The following FGF14 variants were observed in gnomAD, a reference collection of about 807,000 sequenced individuals.
FGF14 encodes the protein fibroblast growth factor 14, also known as fibroblast growth factor homologous factor 4.
Under a neutral mutation model 25.5 loss-of-function variants are expected in FGF14, and 5 were observed. The observed-to-expected ratio is 0.20, with a 90% CI of 0.10 to 0.41. The LOEUF is 0.41. Ranked by LOEUF, FGF14 falls within the 10% of genes least tolerant of loss-of-function variation. The probability of loss-of-function intolerance (pLI) is 1.00; values close to 1 mark genes in which losing one functional copy is unlikely to be tolerated. For missense variants in FGF14, 222 were observed against 320.1 expected, an observed-to-expected ratio of 0.69 and a Z score of 2.34; for synonymous variants, 138 against 118.3, an observed-to-expected ratio of 1.17 and a Z score of -1.08.
At chr13:102,088,095 G>T (rs975904276) in intron 1 of FGF14, among the ~76,000 whole-genome samples, 1 of 152,118 alleles carries the variant, frequency 6.6e-6, no homozygotes, top group Non-Finnish European at 1.5e-5. Flanking sequence ...TATGTAACAG[G>T]AACTACAACC....
chr13:102,176,605 G>T (rs1403281185), intron 1 of FGF14, among the ~76,000 whole-genome samples: 3 of 152,066 alleles, frequency 2.0e-5, no homozygotes, highest in African/African-American at 7.2e-5. Flanking sequence ...TAAAATTTCA[G>T]TTCCACAAAA....
At chr13:101,976,306 A>G (rs2037922165) in intron 1 of FGF14, among the ~76,000 whole-genome samples, 1 of 152,152 alleles carries the variant, frequency 6.6e-6, no homozygotes, top group African/African-American at 2.4e-5. Context: ...TAACAGTTAC[A>G]CTTATTAATA....
At chr13:101,863,273 A>G (rs1473640073) in intron 3 of FGF14, among the ~76,000 whole-genome samples, 1 of 152,174 alleles carries the variant, frequency 6.6e-6, no homozygotes, top group Non-Finnish European at 1.5e-5. Flanking sequence ...AACTAGATGA[A>G]CTTGGTATAG....
At chr13:102,383,776 G>A (rs2058239818) in intron 1 of FGF14, among the ~76,000 whole-genome samples, 1 of 149,840 alleles carries the variant, frequency 6.7e-6, no homozygotes, top group South Asian at 2.1e-4. Context: ...CCCTTGGGAA[G>A]ATTAAGACCC....
At chr13:101,783,468 C>CAAA (rs397722208) in intron 3 of FGF14, among the ~76,000 whole-genome samples, 1 of 135,814 alleles carries the variant, frequency 7.4e-6, no homozygotes. Flanking sequence ...GACTCTGTCT[C>CAAA]AAAAAAAAAA....
intron 1 of FGF14, among the ~76,000 whole-genome samples, chr13:102,023,902 A>G (rs1165314150): frequency 1.3e-5 from 2 of 152,048 alleles, no homozygotes; most frequent in African/African-American, 4.8e-5. Flanking sequence ...CCAGTGGGAG[A>G]AGATAAACAA....
intron 1 of FGF14, among the ~76,000 whole-genome samples, chr13:102,076,900 C>T (rs1316539972): frequency 2.0e-5 from 3 of 152,034 alleles, no homozygotes; most frequent in Non-Finnish European, 2.9e-5. Flanking sequence ...GTGATTAAAA[C>T]AGCAAAGTAC....
At chr13:102,050,491 A>G (rs2042170384) in intron 1 of FGF14, among the ~76,000 whole-genome samples, 1 of 152,216 alleles carries the variant, frequency 6.6e-6, no homozygotes, top group South Asian at 2.1e-4. Context: ...GATAGCTTTC[A>G]AGATGCCCAT....
chr13:102,146,083 T>C (rs1475929071), intron 1 of FGF14, among the ~76,000 whole-genome samples: 1 of 152,222 alleles, frequency 6.6e-6, no homozygotes, highest in East Asian at 1.9e-4. Context: ...CTGCAAGCCT[T>C]GTTCTTGTGA....
intron 1 of FGF14, among the ~76,000 whole-genome samples, chr13:102,283,146 A>G (rs1257006675): frequency 6.6e-6 from 1 of 152,150 alleles, no homozygotes; most frequent in Non-Finnish European, 1.5e-5. Context: ...GTTCCACTCA[A>G]TGGAGACAAG....
intron 3 of FGF14, among the ~76,000 whole-genome samples, chr13:101,841,604 T>A (rs1334014112): frequency 2.0e-5 from 3 of 151,910 alleles, no homozygotes; most frequent in Non-Finnish European, 4.4e-5. Flanking sequence ...GCAAGAAAAG[T>A]GTTCAGAGGT....
At chr13:102,287,120 A>G in intron 1 of FGF14, among the ~76,000 whole-genome samples, 1 of 152,204 alleles carries the variant, frequency 6.6e-6, no homozygotes, top group Non-Finnish European at 1.5e-5. Context: ...TAGAACTTAA[A>G]GTACAATAAA....
intron 3 of FGF14, among the ~76,000 whole-genome samples, chr13:101,859,605 GT>G (rs1383791519): frequency 6.6e-6 from 1 of 152,030 alleles, no homozygotes; most frequent in Admixed American, 6.6e-5. Flanking sequence ...GAGTTGAATG[GT>G]TTTCCACATA....
At chr13:102,055,466 T>A (rs1170829812) in intron 1 of FGF14, among the ~76,000 whole-genome samples, 2 of 152,258 alleles carry the variant, frequency 1.3e-5, no homozygotes, top group African/African-American at 4.8e-5. Context: ...ACTAAGATTA[T>A]ATCATATTCC....
chr13:102,078,646 C>T (rs144810066), intron 1 of FGF14, among the ~76,000 whole-genome samples: 121 of 152,164 alleles, frequency 8.0e-4, no homozygotes, highest in African/African-American at 2.6e-3. Flanking sequence ...TAGGATTTGA[C>T]GCTGCAGAGG....
At chr13:101,984,322 TAAG>T (rs2038440174) in intron 1 of FGF14, among the ~76,000 whole-genome samples, 1 of 152,160 alleles carries the variant, frequency 6.6e-6, no homozygotes, top group Non-Finnish European at 1.5e-5. Flanking sequence ...TTAAATTTTC[TAAG>T]AACCGTTTAT....
intron 3 of FGF14, among the ~76,000 whole-genome samples, chr13:101,738,732 A>G (rs997180524): frequency 6.6e-6 from 1 of 152,100 alleles, no homozygotes; most frequent in African/African-American, 2.4e-5. Context: ...GTGAATTTTC[A>G]TATTATATTA....
chr13:102,386,133 A>ATTTTTT (rs771550582), intron 1 of FGF14, among the ~76,000 whole-genome samples: 1 of 139,352 alleles, frequency 7.2e-6, no homozygotes. Flanking sequence ...ATATACAGTA[A>ATTTTTT]TTTTTTTTTT....
At chr13:102,225,270 C>A (rs1176061498) in intron 1 of FGF14, among the ~76,000 whole-genome samples, 1 of 152,052 alleles carries the variant, frequency 6.6e-6, no homozygotes, top group Non-Finnish European at 1.5e-5. Flanking sequence ...CCAAAAAAAT[C>A]TTTCTTCAAC....
Sources: gnomAD v4.1 joint callset for allele counts (sites outside exome capture counted in the v4.1 genomes callset) on GRCh38, gnomAD v4.1.1 for gene constraint, MANE v1.5 for transcripts, NCBI Gene and HGNC (gene_info 2026-07-23, HGNC 2026-07-21) for gene names.